Variants in ETFBKMT observed in about 807,000 individuals in gnomAD.
ETFBKMT encodes electron transfer flavoprotein beta subunit lysine methyltransferase.
ETFBKMT carries 13 observed loss-of-function variants against 18.3 expected under a neutral mutation model. The ratio of observed to expected loss-of-function variants is 0.71; its 90% CI spans 0.46 to 1.13. The LOEUF is 1.13. Among genes scored for constraint, ETFBKMT ranks in the 50% most tolerant of loss-of-function variants. The probability of loss-of-function intolerance (pLI) is 0.00; values close to 1 mark genes in which losing one functional copy is unlikely to be tolerated. For missense variants in ETFBKMT, 293 were observed against 306.2 expected, an observed-to-expected ratio of 0.96 and a Z score of 0.32; for synonymous variants, 84 against 107.9, an observed-to-expected ratio of 0.78 and a Z score of 1.37.
At chr12:31,647,978 C>T (rs535858420) in intron 1 of ETFBKMT, among the ~76,000 whole-genome samples, 1 of 152,302 alleles carries the variant, frequency 6.6e-6, no homozygotes, top group African/African-American at 2.4e-5. Context: ...ATAATTTGAG[C>T]ATAGAGTTAC....
At chr12:31,654,693 T>A (rs1445010163), upstream of ETFBKMT, among the ~76,000 whole-genome samples, 1 of 152,148 alleles carries the variant, frequency 6.6e-6, no homozygotes, top group Non-Finnish European at 1.5e-5. Flanking sequence ...TACAATTGCA[T>A]GCATATGAAA....
chr12:31,650,626 C>CTTTATTTTTTTTT (rs543201341), intron 1 of ETFBKMT, among the ~76,000 whole-genome samples: 4 of 140,640 alleles, frequency 2.8e-5, no homozygotes, highest in Non-Finnish European at 6.1e-5. Context: ...AATGACCTGA[C>CTTTATTTTTTTTT]CTTTTTTTTT....
Position 31,662,056 on chromosome 12 carries a change from C to T in ETFBKMT, c.103C>T (p.Pro35Ser). 4 of 1,614,164 alleles carry T rather than the reference C, an allele frequency of 2.5e-6. No homozygotes were observed. Among genetic ancestry groups the T allele is most frequent in the South Asian group, 2.2e-5 (2 of 91,086 alleles). Reference sequence around the variant, plus strand: ...TCTCTTGTTTCCCTGTGGCCAGTGTCCCTGGAGAGGAGCTGGAAGCTTTTT... The same window carrying T: ...TCTCTTGTTTCCCTGTGGCCAGTGTTCCTGGAGAGGAGCTGGAAGCTTTTT... ...GLLLFPCGQC[P>S]WRGAGSFLDP... is the part of the protein sequence containing the mutation. Residue 35 changes from proline to serine, a missense_variant, in exon 2 of 4, where the codon CCC becomes TCC. Transcript: ENST00000357721.
At chr12:31,663,056 C>T (rs905826496) in intron 2 of ETFBKMT, among the ~76,000 whole-genome samples, 1 of 151,658 alleles carries the variant, frequency 6.6e-6, no homozygotes. Context: ...TTGAGACCAG[C>T]GTAGGCAACA....
intron 3 of ETFBKMT, among the ~76,000 whole-genome samples, chr12:31,666,912 C>A (rs1951202967): frequency 6.6e-6 from 1 of 151,976 alleles, no homozygotes; most frequent in Admixed American, 6.6e-5. Context: ...CCGTCTTGGC[C>A]TCCCAAAGTG....
intron 1 of ETFBKMT, among the ~76,000 whole-genome samples, chr12:31,650,371 A>G (rs1241743880): frequency 6.6e-6 from 1 of 152,190 alleles, no homozygotes; most frequent in East Asian, 1.9e-4. Context: ...GGAGGCATAA[A>G]TAATCCACCC....
At position 31,672,332 on chromosome 12, in the gene ETFBKMT, AGTTT is replaced by A; in HGVS notation, c.*4348_*4351del. ...ATAAACAGTCCATGTCACTTGCTTT[AGTTT>A]GTTTGGGCCTACTAATTGCTCCAAC... On this transcript the variant is annotated 3_prime_UTR_variant, in exon 4 of 4. Transcript: ENST00000357721. 7 of 1,579,722 alleles carry A rather than the reference AGTTT, an allele frequency of 4.4e-6. No individual in the cohort carries two copies. Among genetic ancestry groups the A allele is most frequent in the Non-Finnish European group, 6.0e-6 (7 of 1,160,778 alleles).
chr12:31,649,945 T>G (rs1355683068), intron 1 of ETFBKMT, among the ~76,000 whole-genome samples: 4 of 150,328 alleles, frequency 2.7e-5, no homozygotes, highest in South Asian at 2.1e-4. Context: ...TTAGTAGAGG[T>G]GGGGTTTTGC....
chr12:31,650,288 A>T (rs1460966138), intron 1 of ETFBKMT, among the ~76,000 whole-genome samples: 4 of 151,904 alleles, frequency 2.6e-5, no homozygotes, highest in Non-Finnish European at 4.4e-5. Context: ...TCACTGCTAC[A>T]CTCCCACCAG....
At chr12:31,657,485 T>G (rs1236309607), upstream of ETFBKMT, among the ~76,000 whole-genome samples, 1 of 152,084 alleles carries the variant, frequency 6.6e-6, no homozygotes, top group Non-Finnish European at 1.5e-5. Flanking sequence ...AAAAAATCAT[T>G]TAAGCTGCAA....
chr12:31,652,277 T>C (rs1161588064), intron 1 of ETFBKMT, among the ~76,000 whole-genome samples: 1 of 152,172 alleles, frequency 6.6e-6, no homozygotes, highest in Non-Finnish European at 1.5e-5. Flanking sequence ...ATTAAACCTC[T>C]GCTCCTACAC....
At chr12:31,647,745 C>A (rs974947033) in intron 1 of ETFBKMT, among the ~76,000 whole-genome samples, 5 of 152,082 alleles carry the variant, frequency 3.3e-5, no homozygotes, top group African/African-American at 1.2e-4. Context: ...AGGAGAATCA[C>A]GTGAACCCGG....
At chr12:31,657,018 A>G (rs1048256062), upstream of ETFBKMT, among the ~76,000 whole-genome samples, 1 of 152,252 alleles carries the variant, frequency 6.6e-6, no homozygotes, top group Non-Finnish European at 1.5e-5. Flanking sequence ...AAACATTATT[A>G]CTATCATCAC....
Position 31,672,126 on chromosome 12 carries a change from G to T in ETFBKMT, c.*4136G>T. On this transcript the variant is annotated 3_prime_UTR_variant, in exon 4 of 4. Coordinates refer to ENST00000357721, the MANE Select transcript of ETFBKMT (RefSeq NM_001135863.2). ...AATAGCACTTTAAAGATGTTTAAGA[G>T]TAAAGCACAAACCATGTATATACCA... The T allele has an allele frequency of 3.7e-6, 2 of 538,602 alleles. No homozygotes were observed. The highest frequency in any genetic ancestry group is 5.5e-5 in the South Asian group (2 of 36,224). The allele number at this position is 538,602 out of a possible 1,614,324, so 33.4% of individuals were successfully genotyped here.
chr12:31,663,603 T>G (rs912200484), intron 2 of ETFBKMT, among the ~76,000 whole-genome samples: 1 of 152,248 alleles, frequency 6.6e-6, no homozygotes, highest in African/African-American at 2.4e-5. Context: ...TCCCAGGTTC[T>G]TAGTGCCATC....
intron 1 of ETFBKMT, among the ~76,000 whole-genome samples, chr12:31,647,569 G>A (rs1022718432): frequency 2.6e-5 from 4 of 152,042 alleles, no homozygotes; most frequent in East Asian, 1.9e-4. Context: ...GGCTGGGCGC[G>A]TGTAATCCCA....
chr12:31,672,112 A>G lies in ETFBKMT; in HGVS notation c.*4122A>G. On this transcript the variant is annotated 3_prime_UTR_variant, in exon 4 of 4. Coordinates refer to ENST00000357721, the MANE Select transcript of ETFBKMT (RefSeq NM_001135863.2). ...AACAGATATAGAATAATAGCACTTTAAAGATGTTTAAGAGTAAAGCACAAA... is the reference window on the plus strand; with the variant it reads ...AACAGATATAGAATAATAGCACTTTGAAGATGTTTAAGAGTAAAGCACAAA... 2.0e-6 allele frequency: 1 copy of G among 508,718 alleles called. No individual in the cohort carries two copies. Among genetic ancestry groups the G allele is most frequent in the Non-Finnish European group, 3.5e-6 (1 of 285,338 alleles). 31.5% of individuals were successfully genotyped at this position (508,718 alleles called of 1,614,324 possible).
chr12:31,663,976 G>A (rs149139606), intron 2 of ETFBKMT, among the ~76,000 whole-genome samples: 22 of 151,566 alleles, frequency 1.5e-4, no homozygotes, highest in African/African-American at 4.8e-4. Context: ...TATCTTGCAT[G>A]TTCTAACTCA....
chr12:31,672,250 C>T lies in ETFBKMT; in HGVS notation c.*4260C>T. On this transcript the variant is annotated 3_prime_UTR_variant, in exon 4 of 4. Transcript: ENST00000357721. ...AATGCAAATCTCTATAGATGGTTTC[C>T]TGGGAAAGTAGTTTTGATAAGCTTT... 8.1e-7 allele frequency: 1 copy of T among 1,237,860 alleles called. No individual in the cohort carries two copies. Among genetic ancestry groups the T allele is most frequent in the Non-Finnish European group, 1.2e-6 (1 of 863,868 alleles). The allele number at this position is 1,237,860 out of a possible 1,614,324, so 76.7% of individuals were successfully genotyped here.
Sources: gnomAD v4.1 joint callset for allele counts (sites outside exome capture counted in the v4.1 genomes callset) on GRCh38, gnomAD v4.1.1 for gene constraint, MANE v1.5 for transcripts, NCBI Gene and HGNC (gene_info 2026-07-23, HGNC 2026-07-21) for gene names.